SUFU: variants seen among roughly 807,000 people sequenced by gnomAD.
The protein encoded by SUFU is SUFU negative regulator of hedgehog signaling.
Under a neutral mutation model 58.9 loss-of-function variants are expected in SUFU, and 7 were observed. That is an observed-to-expected ratio of 0.12 (90% CI 0.07 to 0.22). SUFU has a LOEUF of 0.22. Among genes scored for constraint, SUFU ranks in the 10% least tolerant of loss-of-function variants. The pLI, the probability that SUFU is intolerant of heterozygous loss-of-function variation, is 1.00. For missense variants in SUFU, 451 were observed against 641.3 expected (o/e 0.70, Z 3.20); for synonymous variants, 232 against 254.8 (o/e 0.91, Z 0.85).
intron 3 of SUFU, among the ~76,000 whole-genome samples, chr10:102,551,467 G>A (rs1256544217): frequency 6.6e-6 from 1 of 151,848 alleles, no homozygotes; most frequent in Non-Finnish European, 1.5e-5. Flanking sequence ...GTGAAACCCT[G>A]TGTCTACTGA....
chr10:102,514,263 G>A (rs185219129), intron 2 of SUFU, among the ~76,000 whole-genome samples: 83 of 152,250 alleles, frequency 5.5e-4, no homozygotes, highest in African/African-American at 1.9e-3. Context: ...GTTGAGGGTA[G>A]GGACAGGCAG....
At chr10:102,621,526 C>T (rs1231411060) in intron 10 of SUFU, among the ~76,000 whole-genome samples, 1 of 152,138 alleles carries the variant, frequency 6.6e-6, no homozygotes, top group Non-Finnish European at 1.5e-5. Flanking sequence ...GCCTCTGTCC[C>T]TGACCTGGGT....
chr10:102,556,614 G>A lies in SUFU; in HGVS notation c.454+6508G>A, dbSNP rs940036841. 3.9e-5 allele frequency among the ~76,000 whole-genome samples: 6 copies of A among 152,002 alleles called. No homozygotes were observed. The East Asian group carries it at 5.8e-4, about 15-fold the overall frequency. On this transcript the variant is annotated intron_variant, in intron 3 of 11. Transcript: ENST00000369902. ...AAAAATTAGCCGGGAGTGCTGGCACGTGCCTGTAATCCCAGCTACTCAGGA... is the reference window on the plus strand; with the variant it reads ...AAAAATTAGCCGGGAGTGCTGGCACATGCCTGTAATCCCAGCTACTCAGGA...
At chr10:102,626,832 C>A (rs1431620553) in intron 10 of SUFU, among the ~76,000 whole-genome samples, 1 of 152,036 alleles carries the variant, frequency 6.6e-6, no homozygotes, top group African/African-American at 2.4e-5. Context: ...TTTAATTTTT[C>A]TTTTCTGTTC....
Position 102,619,081 on chromosome 10 carries a change from C to T in SUFU, c.1296+1653C>T, listed in dbSNP as rs372258487. The T allele has an allele frequency of 3.2e-5, 52 of 1,612,654 alleles. 1 individual carries two copies. The highest frequency in any genetic ancestry group is 3.3e-4 in the Middle Eastern group (2 of 6,084). On this transcript the variant is annotated intron_variant, in intron 10 of 11. Coordinates refer to ENST00000369902, the MANE Select transcript of SUFU (RefSeq NM_016169.4). This position sits in a 1 kb window ranked among gnomAD's most constrained non-coding sequence, Gnocchi z 4.2. ...ACATCCTCAGCTCTGAACCTATCCT[C>T]GGAGCTCTGCCCTCCCGTCCTGGAA...
intron 10 of SUFU, among the ~76,000 whole-genome samples, chr10:102,623,148 A>G (rs528345004): frequency 6.6e-6 from 1 of 152,270 alleles, no homozygotes; most frequent in Admixed American, 6.5e-5. Flanking sequence ...CTCTCTTACT[A>G]GAGGGTCTCC....
At chr10:102,522,276 G>A (rs1268771509) in intron 2 of SUFU, among the ~76,000 whole-genome samples, 2 of 152,192 alleles carry the variant, frequency 1.3e-5, no homozygotes, top group Non-Finnish European at 2.9e-5. Context: ...TGTATGAACT[G>A]TGCTGTTTGC....
At chr10:102,567,800 C>G (rs2063106502) in intron 3 of SUFU, among the ~76,000 whole-genome samples, 2 of 152,124 alleles carry the variant, frequency 1.3e-5, no homozygotes, top group Non-Finnish European at 2.9e-5. Flanking sequence ...AAGCTGCATA[C>G]CTGGGGCACT....
intron 10 of SUFU, among the ~76,000 whole-genome samples, chr10:102,622,586 C>A (rs571035270): frequency 6.6e-6 from 1 of 151,808 alleles, no homozygotes; most frequent in South Asian, 2.1e-4. Flanking sequence ...ACTAAAAATA[C>A]AAAAAATTAG....
At chr10:102,606,722 T>G (rs528436284) in intron 8 of SUFU, among the ~76,000 whole-genome samples, 1 of 152,264 alleles carries the variant, frequency 6.6e-6, no homozygotes, top group Non-Finnish European at 1.5e-5. Flanking sequence ...TGGAAACCCC[T>G]GAAGGTGGCA....
rs2062727892 is a variant in SUFU, at chr10:102,535,501, GAAAGAAA to G, written c.318-14467_318-14461del. On this transcript the variant is annotated intron_variant, in intron 2 of 11. Transcript: ENST00000369902. ...CTCCGTCTCAAAAAAAAAAAAAAGA[GAAAGAAA>G]AGAAAGAAAAAAGAAAGAAATAAGA... Among the ~76,000 whole-genome samples the G allele has an allele frequency of 2.7e-5, 4 of 150,448 alleles. No individual in the cohort carries two copies. In the East Asian group the frequency reaches 7.8e-4, roughly 29 times the overall value.
rs1286160139 is a variant in SUFU at position 102,631,460 on chromosome 10, C to T, written c.*1305C>T. On this transcript the variant is annotated 3_prime_UTR_variant, in exon 12 of 12. Coordinates refer to ENST00000369902, the MANE Select transcript of SUFU (RefSeq NM_016169.4). ...GGAGTTCCTCTCGGGTTATCTCCCA[C>T]GCCTGACCTGGAACCAGCAAGCCCC... 4 of 233,708 alleles carry T rather than the reference C, an allele frequency of 1.7e-5. No individual in the cohort carries two copies. The highest frequency in any genetic ancestry group is 1.8e-4 in the South Asian group (1 of 5,548). The allele number at this position is 233,708 out of a possible 1,614,324, so 14.5% of individuals were successfully genotyped here. A position where few individuals can be genotyped will look rare whatever the true frequency, so the allele number is the denominator to read the frequency against.
rs370107490 is a variant in SUFU at position 102,599,583 on chromosome 10, G to A, written c.1022+39G>A. 5.1e-6 allele frequency: 8 copies of A among 1,558,966 alleles called. No homozygotes were observed. In the African/African-American group the frequency reaches 5.4e-5, roughly 11 times the overall value. On this transcript the variant is annotated intron_variant, in intron 8 of 11. Coordinates refer to ENST00000369902, the MANE Select transcript of SUFU (RefSeq NM_016169.4). ...TGTCCCTGGGCTGGAACAAGAGGAC[G>A]ACTTTTTTCTGAAGGGCCTGTCCCT...
At position 102,583,708 on chromosome 10, in the gene SUFU, C is replaced by CT. The variant is rs369276162; in HGVS notation, c.455-8865dup. ...TGGGGTATGTTTCTTTTTCTTTTTT[C>CT]TTTTTTTTTAATTGTACTTTAAGTT... On this transcript the variant is annotated intron_variant, in intron 3 of 11. Transcript: ENST00000369902. Among the ~76,000 whole-genome samples the CT allele has an allele frequency of 2.4e-4, 36 of 151,200 alleles. No individual in the cohort carries two copies. The South Asian group carries it at 5.7e-3, about 24-fold the overall frequency.
chr10:102,590,569 C>A (rs1461002579), intron 3 of SUFU, among the ~76,000 whole-genome samples: 1 of 151,566 alleles, frequency 6.6e-6, no homozygotes, highest in Admixed American at 6.6e-5. Flanking sequence ...TGTTTTTTTT[C>A]TTGTCTTACC....
chr10:102,567,116 A>G (rs2063099685), intron 3 of SUFU, among the ~76,000 whole-genome samples: 1 of 125,898 alleles, frequency 7.9e-6, no homozygotes, highest in Admixed American at 9.8e-5. Flanking sequence ...GGTTCATGCC[A>G]TTCTCCTGCC....
intron 3 of SUFU, among the ~76,000 whole-genome samples, chr10:102,574,571 C>T (rs187805826): frequency 5.3e-5 from 8 of 152,142 alleles, no homozygotes; most frequent in Admixed American, 3.9e-4. Flanking sequence ...TGTAATTGTG[C>T]CACTACACTC....
At chr10:102,582,907 T>G (rs940539441) in intron 3 of SUFU, among the ~76,000 whole-genome samples, 8 of 152,036 alleles carry the variant, frequency 5.3e-5, no homozygotes, top group South Asian at 2.1e-4. Context: ...TAAGTGGAGG[T>G]CTCTGGGATT....
intron 8 of SUFU, among the ~76,000 whole-genome samples, chr10:102,612,376 T>C (rs912280199): frequency 1.3e-5 from 2 of 152,196 alleles, no homozygotes; most frequent in African/African-American, 4.8e-5. Flanking sequence ...GGTGTAAATG[T>C]GGGCACTTGT....
Sources: gnomAD v4.1 joint callset for allele counts (sites outside exome capture counted in the v4.1 genomes callset) on GRCh38, gnomAD v4.1.1 for gene constraint, Gnocchi (gnomAD v3.1) non-coding constraint, MANE v1.5 for transcripts, NCBI Gene and HGNC (gene_info 2026-07-23, HGNC 2026-07-21) for gene names.